B4GALNT3: variants seen among roughly 807,000 people sequenced by gnomAD.
The protein encoded by B4GALNT3 is beta-1,4-N-acetylgalactosaminyltransferase 3.
Under a neutral mutation model 120.2 loss-of-function variants are expected in B4GALNT3, and 86 were observed. That is an observed-to-expected ratio of 0.72 (90% CI 0.60 to 0.86). B4GALNT3 has a LOEUF of 0.86. Among genes scored for constraint, B4GALNT3 ranks in the 40% least tolerant of loss-of-function variants. The pLI, the probability that B4GALNT3 is intolerant of heterozygous loss-of-function variation, is 0.00. For synonymous variants in B4GALNT3, 518 were observed against 510.4 expected (o/e 1.01, Z -0.20); for missense variants, 1,167 against 1,298.9 (o/e 0.90, Z 1.56).
chr12:561,283 A>AG lies in B4GALNT3; in HGVS notation c.2889-56dup. On this transcript the variant is annotated intron_variant, in intron 19 of 19. Transcript: ENST00000266383. Reference sequence around the variant, plus strand: ...AACAGAGGGTCTGTGGTCGATGGGGAGGGGCCCCCCAGCTGCCTTCTGTGC... The same window carrying AG: ...AACAGAGGGTCTGTGGTCGATGGGGAGGGGGCCCCCCAGCTGCCTTCTGTGC... 9 of 1,320,054 alleles carry AG rather than the reference A, an allele frequency of 6.8e-6. No homozygotes were observed. In the South Asian group the frequency reaches 1.1e-4, roughly 16 times the overall value. 81.8% of individuals were successfully genotyped at this position (1,320,054 alleles called of 1,614,324 possible). A position where few individuals can be genotyped will look rare whatever the true frequency, so the allele number is the denominator to read the frequency against.
intron 15 of B4GALNT3, among the ~76,000 whole-genome samples, chr12:557,380 GAGGAGGGAAC>G (rs1321706209): frequency 6.6e-6 from 1 of 152,164 alleles, no homozygotes; most frequent in Non-Finnish European, 1.5e-5. Flanking sequence ...CCCTGCCTGG[GAGGAGGGAAC>G]GTGGGGAGCA....
intron 6 of B4GALNT3, 111 bp downstream of exon 6, chr12:545,580 AGG>A: frequency 2.7e-6 from 3 of 1,120,676 alleles, no homozygotes; most frequent in Non-Finnish European, 2.5e-6. Context: ...GCGGGGAAGA[AGG>A]GGTGGAAAAG....
intron 1 of B4GALNT3, among the ~76,000 whole-genome samples, chr12:464,080 G>A (rs186179095): frequency 5.9e-5 from 9 of 152,300 alleles, no homozygotes; most frequent in Admixed American, 1.3e-4. Context: ...CTGCTGGGTC[G>A]TGAAGCTGTC....
chr12:494,917 T>G (rs1469358760), intron 1 of B4GALNT3, among the ~76,000 whole-genome samples: 1 of 152,174 alleles, frequency 6.6e-6, no homozygotes, highest in Non-Finnish European at 1.5e-5. Context: ...AGGTTGAAAA[T>G]GTGAAAAGCC....
intron 1 of B4GALNT3, among the ~76,000 whole-genome samples, chr12:480,685 G>A (rs1428176291): frequency 7.6e-6 from 1 of 131,932 alleles, no homozygotes; most frequent in Non-Finnish European, 1.7e-5. Flanking sequence ...CTCCGGGACC[G>A]CGGCTGTCCT....
intron 1 of B4GALNT3, among the ~76,000 whole-genome samples, chr12:473,379 C>T (rs567297228): frequency 6.0e-4 from 92 of 152,088 alleles, no homozygotes; most frequent in Non-Finnish European, 1.1e-3. Context: ...CTGCAGTGAC[C>T]GAGAGGGTGG....
Position 553,859 on chromosome 12 carries a change from C to T in B4GALNT3, c.1936C>T (p.Gln646Ter). The change falls in exon 14 of 20, where the codon CAA becomes TAA. Residue 646 changes from glutamine (Q) to a stop codon, truncating the protein, a stop_gained. Transcript: ENST00000266383. LOFTEE classifies it high-confidence loss of function. ...QTFSARNLDFQALRTDWIDLS... is the reference protein window; with the variant it reads ...QTFSARNLDF Reference sequence around the variant, plus strand: ...CTTCAGTGCCCGGAATCTCGACTTCCAAGCCCTGAGGACTGACTGGATCGA... The same window carrying T: ...CTTCAGTGCCCGGAATCTCGACTTCTAAGCCCTGAGGACTGACTGGATCGA... 1 of 1,614,222 alleles carries T rather than the reference C, an allele frequency of 6.2e-7. No individual in the cohort carries two copies. Among genetic ancestry groups the T allele is most frequent in the Non-Finnish European group, 8.5e-7 (1 of 1,180,032 alleles).
intron 1 of B4GALNT3, among the ~76,000 whole-genome samples, chr12:509,768 C>T (rs1490085419): frequency 2.6e-5 from 4 of 152,120 alleles, no homozygotes; most frequent in Admixed American, 2.0e-4. Flanking sequence ...TTATTCTAAG[C>T]GTGGCCCAGG....
At chr12:547,690 G>A (rs557337434) in intron 7 of B4GALNT3, among the ~76,000 whole-genome samples, 5 of 152,130 alleles carry the variant, frequency 3.3e-5, no homozygotes, top group East Asian at 3.9e-4. Flanking sequence ...TCTCCTCTAC[G>A]AACAAGGATT....
Position 495,071 on chromosome 12 carries a change from G to A in B4GALNT3, c.169+34526G>A, listed in dbSNP as rs548061236. Among the ~76,000 whole-genome samples the A allele has an allele frequency of 1.6e-4, 24 of 152,266 alleles. No homozygotes were observed. In the South Asian group the frequency reaches 4.6e-3, roughly 29 times the overall value. ...GTGTGGACCACTTTCTGTGTTCCTG[G>A]CACAATGGATGCACTTTGTATGTGG... On this transcript the variant is annotated intron_variant, in intron 1 of 19. Transcript: ENST00000266383.
At chr12:471,384 CAATAAATAAATA>C (rs111851364) in intron 1 of B4GALNT3, among the ~76,000 whole-genome samples, 241 of 137,348 alleles carry the variant, frequency 1.8e-3, no homozygotes, top group South Asian at 5.6e-3. Context: ...GACTCTGTCT[CAATAAATAAATA>C]AATAAATAAA....
At chr12:471,545 A>G (rs1028052311) in intron 1 of B4GALNT3, among the ~76,000 whole-genome samples, 1 of 151,658 alleles carries the variant, frequency 6.6e-6, no homozygotes, top group Admixed American at 6.6e-5. Flanking sequence ...CGTCTCTACT[A>G]AAAATACAAA....
chr12:518,281 G>C (rs374524109), intron 1 of B4GALNT3, among the ~76,000 whole-genome samples: 1 of 152,308 alleles, frequency 6.6e-6, no homozygotes, highest in South Asian at 2.1e-4. Flanking sequence ...AAACAAGGCA[G>C]CTATGCGCAG....
intron 1 of B4GALNT3, among the ~76,000 whole-genome samples, chr12:526,101 G>A (rs1328008091): frequency 6.6e-6 from 1 of 152,212 alleles, no homozygotes; most frequent in Admixed American, 6.5e-5. Flanking sequence ...ATGTGTGCCA[G>A]AGCGCATCCT....
At chr12:502,514 A>G (rs188756717) in intron 1 of B4GALNT3, among the ~76,000 whole-genome samples, 1 of 151,836 alleles carries the variant, frequency 6.6e-6, no homozygotes, top group Admixed American at 6.6e-5. Context: ...GAGACATGTT[A>G]AGAGACGGAT....
Position 553,981 on chromosome 12 carries a change from G to C in B4GALNT3, c.2058G>C (p.Arg686=), listed in dbSNP as rs148613080. The change falls in exon 14 of 20, where the codon CGG becomes CGC. Residue 686 remains arginine (R), a splice_region_variant and synonymous_variant. Coordinates refer to ENST00000266383, the MANE Select transcript of B4GALNT3 (RefSeq NM_173593.4). ...TGAAGAAGCTCAACCAGAGGAGCCG[G>C]GGGTAAGGTAAAGGGCTCTCCTGGG... ...VFLKKLNQRS[R]GRYQLQRIVN... 1.7e-3 allele frequency: 2,789 copies of C among 1,609,310 alleles called. 100 individuals carry two copies. The Admixed American group carries it at 0.045, about 26-fold the overall frequency.
rs1291534565 is a variant in B4GALNT3, at chr12:484,797, A to AT, written c.169+24254dup. Among the ~76,000 whole-genome samples the AT allele has an allele frequency of 9.3e-4, 44 of 47,282 alleles. 1 individual carries two copies. The South Asian group carries it at 0.023, about 25-fold the overall frequency. 31.0% of individuals were successfully genotyped at this position (47,282 alleles called of 152,430 possible). On this transcript the variant is annotated intron_variant, in intron 1 of 19. Transcript: ENST00000266383. ...GAAGTCTACAGGAAAGAGGAGAAAA[A>AT]TTAAAAAAAAAAAAAAACCACTCGT... is the stretch of plus-strand genomic sequence containing the variant.
intron 1 of B4GALNT3, among the ~76,000 whole-genome samples, chr12:482,908 T>A (rs1192434686): frequency 6.6e-6 from 1 of 152,038 alleles, no homozygotes; most frequent in African/African-American, 2.4e-5. Flanking sequence ...TTATTCTTCT[T>A]TTCTCTCTTT....
intron 3 of B4GALNT3, among the ~76,000 whole-genome samples, chr12:537,730 G>A (rs150806710): frequency 6.6e-6 from 1 of 152,254 alleles, no homozygotes; most frequent in African/African-American, 2.4e-5. Flanking sequence ...AGAACCCAGC[G>A]TCTTTAGTCT....
Sources: gnomAD v4.1 joint callset for allele counts (sites outside exome capture counted in the v4.1 genomes callset) on GRCh38, gnomAD v4.1.1 for gene constraint, MANE v1.5 for transcripts, NCBI Gene and HGNC (gene_info 2026-07-23, HGNC 2026-07-21) for gene names.